The following NBAS variants were observed in gnomAD, a reference collection of about 807,000 sequenced individuals.
The protein encoded by NBAS is NBAS subunit of NRZ tethering complex, also known as NAG/BC035112 fusion.
In NBAS, 219 loss-of-function variants were observed where a neutral mutation model predicts 302.5. The observed-to-expected ratio is 0.72, with a 90% CI of 0.65 to 0.81. The LOEUF (loss-of-function observed/expected upper bound fraction) is 0.81, where lower values mean the gene tolerates loss of function less well. Ranked by LOEUF, NBAS falls within the 30% of genes least tolerant of loss-of-function variation. The probability of loss-of-function intolerance (pLI) is 0.00; values close to 1 mark genes in which losing one functional copy is unlikely to be tolerated. For synonymous variants in NBAS, 1,118 were observed against 1,021.6 expected, an observed-to-expected ratio of 1.09 and a Z score of -1.80; for missense variants, 2,932 against 2,841.6, an observed-to-expected ratio of 1.03 and a Z score of -0.72.
chr2:15,111,359 T>C, the NBAS span, among the ~76,000 whole-genome samples: 6 of 152,022 alleles, frequency 3.9e-5, no homozygotes, highest in African/African-American at 1.2e-4. Context: ...GAATCCCACA[T>C]TGGGAGTGGG....
At chr2:15,219,346 T>C (rs1480194751) in intron 47 of NBAS, among the ~76,000 whole-genome samples, 4 of 150,158 alleles carry the variant, frequency 2.7e-5, no homozygotes, top group Admixed American at 2.7e-4. Flanking sequence ...TTTTTTTTAT[T>C]GATCATTCTT....
chr2:15,398,384 G>GCCTT (rs1341736782), intron 26 of NBAS, among the ~76,000 whole-genome samples: 4 of 152,040 alleles, frequency 2.6e-5, no homozygotes, highest in African/African-American at 9.7e-5. Flanking sequence ...TCCCGCCTTG[G>GCCTT]CCTTCCAAAG....
intron 21 of NBAS, among the ~76,000 whole-genome samples, chr2:15,440,420 A>G (rs962934961): frequency 2.6e-5 from 4 of 152,194 alleles, no homozygotes; most frequent in Non-Finnish European, 5.9e-5. Flanking sequence ...GACCTCTACC[A>G]AACTCCAACA....
At chr2:15,534,802 T>A (rs1427736659) in intron 8 of NBAS, among the ~76,000 whole-genome samples, 161 bp from the exon 9 acceptor site, 1 of 152,196 alleles carries the variant, frequency 6.6e-6, no homozygotes, top group East Asian at 1.9e-4. Flanking sequence ...AGAAGGTAAT[T>A]GATAAAACCA....
chr2:15,181,474 C>G (rs1236355289), intron 50 of NBAS, among the ~76,000 whole-genome samples: 4 of 152,152 alleles, frequency 2.6e-5, no homozygotes, highest in Non-Finnish European at 4.4e-5. Context: ...GCTACTTTCC[C>G]CCTGTGTTGC....
At chr2:14,966,476 C>T in the NBAS span, among the ~76,000 whole-genome samples, 92 of 152,294 alleles carry the variant, frequency 6.0e-4, no homozygotes, top group African/African-American at 2.2e-3. Context: ...CGTCAGTCCC[C>T]CAGTACAGCT....
At chr2:15,427,630 G>T in intron 22 of NBAS, 81 bp downstream of exon 22, 2 of 1,172,766 alleles carry the variant, frequency 1.7e-6, no homozygotes, top group Non-Finnish European at 2.5e-6. Context: ...AGGTTTCATT[G>T]GTCAGACACC....
At chr2:15,034,244 G>GAAA in the NBAS span, among the ~76,000 whole-genome samples, 2 of 87,582 alleles carry the variant, frequency 2.3e-5, no homozygotes, top group African/African-American at 9.8e-5. Flanking sequence ...AGGAAAGAAA[G>GAAA]AAAGAAAGAA....
chr2:15,387,083 A>T (rs991593797), intron 28 of NBAS, among the ~76,000 whole-genome samples: 11 of 147,480 alleles, frequency 7.5e-5, no homozygotes, highest in Admixed American at 1.3e-4. Flanking sequence ...TAAAGTATTA[A>T]TTTTTTTTTT....
At chr2:15,441,670 TG>T (rs1215717531) in intron 21 of NBAS, among the ~76,000 whole-genome samples, 97 of 150,514 alleles carry the variant, frequency 6.4e-4, no homozygotes, top group African/African-American at 2.4e-3. Flanking sequence ...TAACTTTAAA[TG>T]TAAATGGACT....
At chr2:15,098,590 A>T in the NBAS span, among the ~76,000 whole-genome samples, 4 of 115,962 alleles carry the variant, frequency 3.4e-5, no homozygotes, top group African/African-American at 1.1e-4. Flanking sequence ...ATTATATATT[A>T]TATATATTAT....
At chr2:15,052,703 A>G in the NBAS span, among the ~76,000 whole-genome samples, 1 of 152,226 alleles carries the variant, frequency 6.6e-6, no homozygotes, top group Non-Finnish European at 1.5e-5. Flanking sequence ...AGGTATAAAA[A>G]TTTGCAATAT....
At chr2:15,111,524 T>C in the NBAS span, among the ~76,000 whole-genome samples, 1 of 152,090 alleles carries the variant, frequency 6.6e-6, no homozygotes, top group African/African-American at 2.4e-5. Context: ...CTTGCAAATT[T>C]ATTGTGACTG....
chr2:14,937,959 T>C, the NBAS span, among the ~76,000 whole-genome samples: 1 of 151,944 alleles, frequency 6.6e-6, no homozygotes, highest in Non-Finnish European at 1.5e-5. Flanking sequence ...TGAAACCCTG[T>C]CTCTACTAAA....
chr2:15,503,153 T>C (rs569382757), intron 11 of NBAS, among the ~76,000 whole-genome samples: 2 of 152,192 alleles, frequency 1.3e-5, no homozygotes, highest in Admixed American at 6.5e-5. Flanking sequence ...GTAACACTCA[T>C]GGAGTTGTAA....
the NBAS span, among the ~76,000 whole-genome samples, chr2:15,010,225 A>T: frequency 9.2e-5 from 14 of 152,278 alleles, no homozygotes; most frequent in Middle Eastern, 3.4e-3. Context: ...CCCAGCAAGG[A>T]ATTATAAACC....
At chr2:14,956,938 A>G in the NBAS span, among the ~76,000 whole-genome samples, 1 of 152,206 alleles carries the variant, frequency 6.6e-6, no homozygotes, top group African/African-American at 2.4e-5. Flanking sequence ...TTATTTGCAG[A>G]TAGGATCTTT....
At position 15,468,419 on chromosome 2, in the gene NBAS, C is replaced by T; in HGVS notation, c.1840G>A (p.Ala614Thr). 5.0e-6 allele frequency: 8 copies of T among 1,614,096 alleles called. No individual in the cohort carries two copies. The highest frequency in any genetic ancestry group is 6.8e-6 in the Non-Finnish European group (8 of 1,179,966). The change falls in exon 17 of 52, where the codon GCT becomes ACT. Residue 614 changes from alanine to threonine, a missense_variant. Coordinates refer to ENST00000281513, the MANE Select transcript of NBAS (RefSeq NM_015909.4). Reference sequence around the variant, plus strand: ...GCTCCTTTCCCTATTGCTAAAAGAGCCTCCAGGTCTGTGCCTTTTAATCCA... The same window carrying T: ...GCTCCTTTCCCTATTGCTAAAAGAGTCTCCAGGTCTGTGCCTTTTAATCCA... ...QYGLKGTDLE[A>T]LLAIGKGADD... is the part of the protein sequence containing the mutation.
chr2:14,938,152 A>T, the NBAS span, among the ~76,000 whole-genome samples: 2 of 152,134 alleles, frequency 1.3e-5, no homozygotes, highest in African/African-American at 4.8e-5. Flanking sequence ...TAAAAAAATA[A>T]TTTAATGGGT....
Sources: gnomAD v4.1 joint callset for allele counts (sites outside exome capture counted in the v4.1 genomes callset) on GRCh38, gnomAD v4.1.1 for gene constraint, MANE v1.5 for transcripts, NCBI Gene and HGNC (gene_info 2026-07-23, HGNC 2026-07-21) for gene names.